Variants in ZFYVE27 observed in about 807,000 individuals in gnomAD.
ZFYVE27 encodes the protein zinc finger FYVE-type containing 27.
A neutral mutation model predicts 52.8 loss-of-function variants in ZFYVE27; 36 were observed. The ratio of observed to expected loss-of-function variants is 0.68; its 90% CI spans 0.52 to 0.90. The LOEUF (loss-of-function observed/expected upper bound fraction) is 0.90. ZFYVE27 is among the 40% of genes least tolerant of loss of function. ZFYVE27 has a pLI of 0.00. For missense variants in ZFYVE27, 450 were observed against 527.2 expected (o/e 0.85, Z 1.43); for synonymous variants, 223 against 215.6 (o/e 1.03, Z -0.30).
intron 10 of ZFYVE27, 29 bp downstream of exon 10, chr10:97,753,211 T>G (rs1590082566): frequency 6.3e-7 from 1 of 1,593,480 alleles, no homozygotes. Flanking sequence ...GCTGGGCTGG[T>G]GGGGGAGTGG....
At position 97,749,625 on chromosome 10, in the gene ZFYVE27, G is replaced by A. The variant is rs544531452; in HGVS notation, c.664+39G>A. On this transcript the variant is annotated intron_variant, in intron 6 of 12. Coordinates refer to ENST00000684270, the MANE Select transcript of ZFYVE27 (RefSeq NM_001385875.1). ...GGCCTGAAAGATGGGGCCCAAGCTG[G>A]CTCTGAGGGCTAGGCTAGGCTCCCC... 3 of 1,539,868 alleles carry A rather than the reference G, an allele frequency of 1.9e-6. No homozygotes were observed. The South Asian group carries it at 3.3e-5, about 17-fold the overall frequency.
At chr10:97,743,231 GC>G in intron 3 of ZFYVE27, 67 bp downstream of exon 3, 1 of 1,557,834 alleles carries the variant, frequency 6.4e-7, no homozygotes, top group Non-Finnish European at 8.9e-7. Context: ...CCTGGATGCA[GC>G]CCCACCCTAT....
chr10:97,753,017 T>C (rs2136259235), intron 9 of ZFYVE27, 21 bp from the exon 10 acceptor site: 1 of 1,612,628 alleles, frequency 6.2e-7, no homozygotes, highest in African/African-American at 1.3e-5. Flanking sequence ...TGGGCAGGAC[T>C]GGAAGGAGCT....
chr10:97,758,485 G>A (rs931502373), intron 12 of ZFYVE27, among the ~76,000 whole-genome samples: 3 of 151,952 alleles, frequency 2.0e-5, no homozygotes, highest in African/African-American at 4.8e-5. Flanking sequence ...CACCACACCC[G>A]GCTAATTTTG....
At chr10:97,756,122 T>C (rs770739303) in intron 10 of ZFYVE27, among the ~76,000 whole-genome samples, 97 of 152,290 alleles carry the variant, frequency 6.4e-4, no homozygotes, top group Non-Finnish European at 1.2e-3. Context: ...TAGCTCCTTT[T>C]GCCTGTCCCA....
At chr10:97,744,960 C>A in intron 4 of ZFYVE27, 45 bp downstream of exon 4, 1 of 1,539,016 alleles carries the variant, frequency 6.5e-7, no homozygotes, top group Non-Finnish European at 8.7e-7. Flanking sequence ...ACAGTAACAG[C>A]AGCCATGACA....
chr10:97,754,717 C>T (rs1590092267), intron 10 of ZFYVE27: 1 of 1,289,386 alleles, frequency 7.8e-7, no homozygotes, highest in South Asian at 1.2e-5. Flanking sequence ...TCATTTCATC[C>T]TTACCGTAGG....
intron 10 of ZFYVE27, among the ~76,000 whole-genome samples, chr10:97,754,351 CT>C (rs112949018): frequency 3.4e-4 from 49 of 145,756 alleles, no homozygotes; most frequent in Admixed American, 1.4e-3. Context: ...CTCACTGTGT[CT>C]CCCAGGCTGG....
intron 4 of ZFYVE27, among the ~76,000 whole-genome samples, chr10:97,748,068 C>A (rs888054361): frequency 6.6e-6 from 1 of 152,162 alleles, no homozygotes; most frequent in African/African-American, 2.4e-5. Flanking sequence ...GCAAGAGGCT[C>A]CAAAAAGGGG....
At chr10:97,739,879 A>G (rs1019658135) in intron 2 of ZFYVE27, among the ~76,000 whole-genome samples, 1 of 111,764 alleles carries the variant, frequency 8.9e-6, no homozygotes, top group Non-Finnish European at 1.9e-5. Context: ...TTGAAGTTAG[A>G]AAAGTGTTTT....
rs2047417523 is a variant in ZFYVE27, at chr10:97,753,060, G to GC, written c.923dup (p.Ala309SerfsTer4). On this transcript the variant is annotated frameshift_variant, in exon 10 of 13. Coordinates refer to ENST00000684270, the MANE Select transcript of ZFYVE27 (RefSeq NM_001385875.1). LOFTEE classifies it high-confidence loss of function. ...CAGGAGGATGATGAGGGCGCCCCGT[G>GC]CCCAGCAGAGGATGAGCTGGCCCTG... 1 of 1,611,838 alleles carries GC rather than the reference G, an allele frequency of 6.2e-7. No homozygotes were observed. The highest frequency in any genetic ancestry group is 8.5e-7 in the Non-Finnish European group (1 of 1,179,208).
intron 2 of ZFYVE27, among the ~76,000 whole-genome samples, chr10:97,742,615 G>C (rs1413256822): frequency 6.6e-6 from 1 of 151,922 alleles, no homozygotes; most frequent in African/African-American, 2.4e-5. Flanking sequence ...TCAAAAACAT[G>C]GACATAAGAA....
At chr10:97,745,664 G>T (rs1333533011) in intron 4 of ZFYVE27, among the ~76,000 whole-genome samples, 4 of 152,192 alleles carry the variant, frequency 2.6e-5, no homozygotes, top group Non-Finnish European at 5.9e-5. Flanking sequence ...TTACTCAGAA[G>T]GTGGTTGTGA....
In ZFYVE27 at chr10:97,738,643, G is replaced by A. The variant is rs771079455; in HGVS notation, c.166G>A (p.Asp56Asn). The A allele has an allele frequency of 1.9e-6, 3 of 1,614,242 alleles. No homozygotes were observed. The East Asian group carries it at 6.7e-5, about 36-fold the overall frequency. Residue 56 changes from aspartate to asparagine, a missense_variant, in exon 2 of 13, where the codon GAT becomes AAT. Transcript: ENST00000684270. ...RLEIYLEPLK[D>N]AGDGVRYLLR... is the part of the protein sequence containing the mutation. ...GGAGATCTACCTGGAACCCTTGAAG[G>A]ATGCAGGTGATGGTGTTCGATACTT... is the stretch of plus-strand genomic sequence containing the variant.
chr10:97,738,376 C>G, intron 1 of ZFYVE27, 101 bp from the exon 2 acceptor site: 1 of 1,324,726 alleles, frequency 7.5e-7, no homozygotes. Flanking sequence ...TTCACTTTCC[C>G]TTGCTCACAG....
rs1193949115 is a variant in ZFYVE27, at chr10:97,751,361, C to T, written c.805-30C>T. 7 of 1,612,402 alleles carry T rather than the reference C, an allele frequency of 4.3e-6. No homozygotes were observed. In the African/African-American group the frequency reaches 9.3e-5, roughly 22 times the overall value. On this transcript the variant is annotated intron_variant, in intron 7 of 12. Transcript: ENST00000684270. ...CTTAGGGAGCAGCGCTGCCATCCTT[C>T]TCCTTCTGTCATAGAGTCTCTCTTC...
rs1286273066 is a variant in ZFYVE27 at position 97,759,690 on chromosome 10, G to A, written c.*390G>A. 1.3e-5 allele frequency: 4 copies of A among 312,160 alleles called. No individual in the cohort carries two copies. The highest frequency in any genetic ancestry group is 2.5e-5 in the Non-Finnish European group (4 of 158,080). The allele number at this position is 312,160 out of a possible 1,614,324, so 19.3% of individuals were successfully genotyped here. On this transcript the variant is annotated 3_prime_UTR_variant, in exon 13 of 13. Coordinates refer to ENST00000684270, the MANE Select transcript of ZFYVE27 (RefSeq NM_001385875.1). Reference sequence around the variant, plus strand: ...CTGTGCCTGGGAATTCCAGACCTGAGGTTGGGAAAAGAGGTTTTTCTCCTG... The same window carrying A: ...CTGTGCCTGGGAATTCCAGACCTGAAGTTGGGAAAAGAGGTTTTTCTCCTG...
chr10:97,752,838 C>T lies in ZFYVE27; in HGVS notation c.877-19C>T. ...TTTCTTTCTGTTTTCTCTCCTCTTC[C>T]CCGCACCTTGGGAGGCAGGAGACCC... is the stretch of plus-strand genomic sequence containing the variant. On this transcript the variant is annotated intron_variant, in intron 8 of 12. Transcript: ENST00000684270. The T allele has an allele frequency of 6.2e-7, 1 of 1,613,784 alleles. No individual in the cohort carries two copies. Among genetic ancestry groups the T allele is most frequent in the Non-Finnish European group, 8.5e-7 (1 of 1,179,932 alleles).
intron 2 of ZFYVE27, among the ~76,000 whole-genome samples, chr10:97,739,560 A>C (rs1589985535): frequency 6.6e-6 from 1 of 152,138 alleles, no homozygotes; most frequent in Non-Finnish European, 1.5e-5. Flanking sequence ...CATTTCTTTC[A>C]AGATCAAAGT....
Sources: gnomAD v4.1 joint callset for allele counts (sites outside exome capture counted in the v4.1 genomes callset) on GRCh38, gnomAD v4.1.1 for gene constraint, MANE v1.5 for transcripts, NCBI Gene and HGNC (gene_info 2026-07-23, HGNC 2026-07-21) for gene names.